CCSER1: variants seen among roughly 807,000 people sequenced by gnomAD.
CCSER1 encodes coiled-coil serine rich protein 1, also known as serine-rich coiled-coil domain-containing protein 1.
In CCSER1, 41 loss-of-function variants were observed where a neutral mutation model predicts 82.0. That is an observed-to-expected ratio of 0.50 (90% CI 0.39 to 0.65). The LOEUF is 0.65. CCSER1 is among the 30% of genes least tolerant of loss of function. The pLI, the probability that CCSER1 is intolerant of heterozygous loss-of-function variation, is 0.00. For missense variants in CCSER1, 1,119 were observed against 1,064.2 expected, an observed-to-expected ratio of 1.05 and a Z score of -0.72; for synonymous variants, 414 against 383.9, an observed-to-expected ratio of 1.08 and a Z score of -0.92.
At chr4:91,389,279 T>A (rs1249019813) in intron 10 of CCSER1, among the ~76,000 whole-genome samples, 1 of 152,018 alleles carries the variant, frequency 6.6e-6, no homozygotes, top group Admixed American at 6.6e-5. Flanking sequence ...TTTTTTTGTT[T>A]TGTTTTTTGC....
At chr4:91,131,656 GTAGA>G (rs752475485) in intron 10 of CCSER1, among the ~76,000 whole-genome samples, 115 of 151,966 alleles carry the variant, frequency 7.6e-4, no homozygotes, top group Admixed American at 3.5e-3. Context: ...ATCTAGATAG[GTAGA>G]TAGATAGATA....
chr4:90,950,648 A>G (rs575990413), intron 9 of CCSER1, among the ~76,000 whole-genome samples: 23 of 152,124 alleles, frequency 1.5e-4, no homozygotes, highest in Non-Finnish European at 2.5e-4. Context: ...GCCAAGAGGC[A>G]TACAGTGATA....
intron 10 of CCSER1, among the ~76,000 whole-genome samples, chr4:91,327,827 C>T (rs1004581252): frequency 1.3e-5 from 2 of 152,142 alleles, no homozygotes; most frequent in Non-Finnish European, 2.9e-5. Context: ...GAGATTTGTT[C>T]CAGCAGATAC....
At chr4:90,296,105 AC>A (rs1398765392) in intron 1 of CCSER1, among the ~76,000 whole-genome samples, 1 of 152,070 alleles carries the variant, frequency 6.6e-6, no homozygotes, top group African/African-American at 2.4e-5. Flanking sequence ...CCACCGCTCA[AC>A]AAATTTATCA....
At chr4:91,400,681 A>T (rs1752261511) in intron 10 of CCSER1, among the ~76,000 whole-genome samples, 1 of 151,422 alleles carries the variant, frequency 6.6e-6, no homozygotes, top group Non-Finnish European at 1.5e-5. Context: ...AAGGCATGTG[A>T]TTATATCATT....
At chr4:91,381,147 T>G (rs1037276344) in intron 10 of CCSER1, among the ~76,000 whole-genome samples, 2 of 152,310 alleles carry the variant, frequency 1.3e-5, no homozygotes, top group Admixed American at 1.3e-4. Flanking sequence ...CCTTTGTGGG[T>G]AACCTGACCT....
At chr4:91,354,937 C>T (rs1219341343) in intron 10 of CCSER1, among the ~76,000 whole-genome samples, 1 of 152,156 alleles carries the variant, frequency 6.6e-6, no homozygotes, top group Non-Finnish European at 1.5e-5. Context: ...ATTTGAACCT[C>T]CCATTTCATT....
chr4:90,811,995 C>CACACACACACACATATATATATATAT (rs367800484), intron 7 of CCSER1, among the ~76,000 whole-genome samples: 129 of 142,762 alleles, frequency 9.0e-4, no homozygotes, highest in East Asian at 3.2e-3. Context: ...TATATAAACA[C>CACACACACACACATATATATATATAT]ATATATATAT....
At chr4:91,524,040 A>T (rs577804064) in intron 10 of CCSER1, among the ~76,000 whole-genome samples, 1 of 152,302 alleles carries the variant, frequency 6.6e-6, no homozygotes, top group East Asian at 1.9e-4. Context: ...CTGCCTTTTC[A>T]TTACTCTATT....
intron 4 of CCSER1, among the ~76,000 whole-genome samples, chr4:90,431,889 T>C (rs1758318971): frequency 6.6e-6 from 1 of 152,114 alleles, no homozygotes. Flanking sequence ...CTTGGACAGC[T>C]GAATACAGTT....
chr4:90,838,882 A>G (rs1193067846), intron 8 of CCSER1: 4 of 1,612,886 alleles, frequency 2.5e-6, no homozygotes, highest in Non-Finnish European at 2.5e-6. Flanking sequence ...TGTACAGTGC[A>G]TATTGGCGGC....
chr4:90,370,639 T>C (rs1298757745), intron 3 of CCSER1, among the ~76,000 whole-genome samples: 1 of 152,002 alleles, frequency 6.6e-6, no homozygotes, highest in Non-Finnish European at 1.5e-5. Flanking sequence ...TGTGTTTCCT[T>C]TTCCAGCCTA....
At chr4:91,463,361 C>A (rs1756632173) in intron 10 of CCSER1, among the ~76,000 whole-genome samples, 8 of 152,138 alleles carry the variant, frequency 5.3e-5, no homozygotes, top group Non-Finnish European at 1.5e-5. Flanking sequence ...ATCTGGACGT[C>A]ACCATCATCA....
intron 6 of CCSER1, among the ~76,000 whole-genome samples, chr4:90,688,782 A>C (rs1448292091): frequency 1.3e-5 from 2 of 152,126 alleles, no homozygotes. Flanking sequence ...TGAAATACCT[A>C]CTTTGTACAA....
At chr4:91,399,523 C>G (rs77795020) in intron 10 of CCSER1, among the ~76,000 whole-genome samples, 3,451 of 152,022 alleles carry the variant, frequency 0.023, 109 homozygotes, top group African/African-American at 0.077. Flanking sequence ...AACCACTGAA[C>G]AGGGATTCTG....
At chr4:90,185,862 C>T (rs925510284) in intron 1 of CCSER1, among the ~76,000 whole-genome samples, 9 of 152,142 alleles carry the variant, frequency 5.9e-5, no homozygotes, top group East Asian at 1.9e-4. Context: ...TTTGTTTTCA[C>T]AAAGGATTAC....
chr4:91,205,754 TTTTTG>T (rs150732320), intron 10 of CCSER1, among the ~76,000 whole-genome samples: 2,160 of 151,660 alleles, frequency 0.014, 33 homozygotes, highest in African/African-American at 0.048. Flanking sequence ...CATTCTCTAT[TTTTTG>T]TCATTTTGAG....
intron 8 of CCSER1, among the ~76,000 whole-genome samples, chr4:90,870,385 A>T (rs935551295): frequency 2.0e-5 from 3 of 151,812 alleles, no homozygotes; most frequent in African/African-American, 7.2e-5. Flanking sequence ...CAGTTTTTTT[A>T]GGACTTTTTA....
chr4:91,575,362 C>A (rs570883622), intron 10 of CCSER1, among the ~76,000 whole-genome samples: 1 of 151,858 alleles, frequency 6.6e-6, no homozygotes, highest in Admixed American at 6.6e-5. Context: ...AAAATATGAT[C>A]AAGCAGAATG....
Sources: gnomAD v4.1 joint callset for allele counts (sites outside exome capture counted in the v4.1 genomes callset) on GRCh38, gnomAD v4.1.1 for gene constraint, MANE v1.5 for transcripts, NCBI Gene and HGNC (gene_info 2026-07-23, HGNC 2026-07-21) for gene names.